The following JMJD1C variants were observed in gnomAD, a reference collection of about 807,000 sequenced individuals.
JMJD1C encodes jumonji domain containing 1C.
A neutral mutation model predicts 245.3 loss-of-function variants in JMJD1C; 31 were observed. The ratio of observed to expected loss-of-function variants is 0.13; its 90% confidence interval spans 0.09 to 0.17. The LOEUF is 0.17. Among genes scored for constraint, JMJD1C ranks in the 10% least tolerant of loss-of-function variants. JMJD1C has a pLI of 1.00. For synonymous variants in JMJD1C, 1,057 were observed against 1,017.4 expected, an observed-to-expected ratio of 1.04 and a Z score of -0.74; for missense variants, 2,691 against 3,000.2, an observed-to-expected ratio of 0.90 and a Z score of 2.41.
At chr10:63,341,572 A>G (rs1943382438) in intron 2 of JMJD1C, among the ~76,000 whole-genome samples, 1 of 152,246 alleles carries the variant, frequency 6.6e-6, no homozygotes, top group Admixed American at 6.5e-5. Context: ...AAGGAATGGG[A>G]CATCTTTTTT....
chr10:63,431,063 C>A (rs1487495696), intron 1 of JMJD1C, among the ~76,000 whole-genome samples: 1 of 152,130 alleles, frequency 6.6e-6, no homozygotes, highest in Admixed American at 6.5e-5. Context: ...TTAACACCTA[C>A]ATTAGATGAC....
chr10:63,357,337 G>A lies in JMJD1C; in HGVS notation c.333+22981C>T, dbSNP rs553206294. 2.3e-4 allele frequency among the ~76,000 whole-genome samples: 35 copies of A among 150,376 alleles called. 1 individual carries two copies. The highest frequency in any genetic ancestry group is 1.1e-3 in the South Asian group (5 of 4,722). On this transcript the variant is annotated intron_variant, in intron 2 of 25. Coordinates refer to ENST00000399262, the MANE Select transcript of JMJD1C (RefSeq NM_032776.3). ...GTTTGTTTATTTGAGACAGAGTCTC[G>A]CTCTGTTGCCCAGGCTGGAGTGCAA...
intron 13 of JMJD1C, among the ~76,000 whole-genome samples, chr10:63,195,236 C>G (rs1426503138): frequency 6.6e-6 from 1 of 151,842 alleles, no homozygotes. Context: ...GCCTGTAGTC[C>G]CAGCTACTTG....
intron 3 of JMJD1C, among the ~76,000 whole-genome samples, chr10:63,259,144 T>G (rs1410118797): frequency 6.6e-6 from 1 of 152,078 alleles, no homozygotes; most frequent in Non-Finnish European, 1.5e-5. Flanking sequence ...TACTTCTTTC[T>G]GTAAACTACT....
At chr10:63,316,318 T>C (rs1369679385) in intron 2 of JMJD1C, among the ~76,000 whole-genome samples, 1 of 152,268 alleles carries the variant, frequency 6.6e-6, no homozygotes, top group African/African-American at 2.4e-5. Context: ...TGTGCCTTGA[T>C]TCATTGGCTG....
At chr10:63,495,578 C>T (rs1042433745) in intron 1 of JMJD1C, among the ~76,000 whole-genome samples, 2 of 151,982 alleles carry the variant, frequency 1.3e-5, no homozygotes, top group African/African-American at 4.8e-5. Flanking sequence ...TCGAGACCAG[C>T]CTGGCCAACA....
At chr10:63,248,799 A>G (rs1852641004) in intron 3 of JMJD1C, among the ~76,000 whole-genome samples, 1 of 152,220 alleles carries the variant, frequency 6.6e-6, no homozygotes, top group Non-Finnish European at 1.5e-5. Context: ...AGCACTATAC[A>G]CAATAGCCAA....
In JMJD1C at chr10:63,214,628, T is replaced by C. The variant is rs1847765324; in HGVS notation, c.1539A>G (p.Thr513=). ...PPTPKCVIDI[T]NDTNLEKVAQ... Reference sequence around the variant, plus strand: ...CCACCTTTTCTAAATTAGTGTCATTTGTAATATCAATAACACATTTTGGTG... The same window carrying C: ...CCACCTTTTCTAAATTAGTGTCATTCGTAATATCAATAACACATTTTGGTG... Residue 513 remains threonine, a synonymous_variant, in exon 8 of 26, where the codon ACA becomes ACG. Transcript: ENST00000399262. 2 of 1,614,174 alleles carry C rather than the reference T, an allele frequency of 1.2e-6. No homozygotes were observed. Among genetic ancestry groups the C allele is most frequent in the Non-Finnish European group, 8.5e-7 (1 of 1,180,008 alleles).
chr10:63,340,751 C>G (rs1943298019), intron 2 of JMJD1C, among the ~76,000 whole-genome samples: 1 of 152,072 alleles, frequency 6.6e-6, no homozygotes. Context: ...TTGAGACTAG[C>G]CTGGCCAACA....
intron 2 of JMJD1C, among the ~76,000 whole-genome samples, chr10:63,342,107 G>A (rs950628747): frequency 6.6e-6 from 1 of 152,212 alleles, no homozygotes; most frequent in Non-Finnish European, 1.5e-5. Context: ...CTGTCCATCA[G>A]TAAGCTAAAG....
intron 2 of JMJD1C, among the ~76,000 whole-genome samples, chr10:63,371,326 T>C (rs956723969): frequency 2.5e-4 from 38 of 151,994 alleles, no homozygotes; most frequent in Non-Finnish European, 3.8e-4. Flanking sequence ...ATGTAATTAA[T>C]TTTTTTTACT....
intron 1 of JMJD1C, among the ~76,000 whole-genome samples, chr10:63,425,875 G>A (rs1826159908): frequency 6.6e-6 from 1 of 152,166 alleles, no homozygotes; most frequent in South Asian, 2.1e-4. Context: ...TATATTCTAT[G>A]TGAGTGTTCT....
At chr10:63,470,238 C>T (rs1391884115), upstream of JMJD1C, among the ~76,000 whole-genome samples, 1 of 152,016 alleles carries the variant, frequency 6.6e-6, no homozygotes, top group Non-Finnish European at 1.5e-5. Context: ...GCTACCAGGC[C>T]TTGCTAAGAG....
At chr10:63,460,513 T>C (rs1952716329) in intron 1 of JMJD1C, among the ~76,000 whole-genome samples, 1 of 152,130 alleles carries the variant, frequency 6.6e-6, no homozygotes, top group Non-Finnish European at 1.5e-5. Flanking sequence ...AGCAAGACCC[T>C]GTCTCAAAAA....
rs372628812 is a variant in JMJD1C at position 63,193,154 on chromosome 10, A to G, written c.5863-3T>C. 43 of 1,605,266 alleles carry G rather than the reference A, an allele frequency of 2.7e-5. No individual in the cohort carries two copies. Among genetic ancestry groups the G allele is most frequent in the Admixed American group, 8.3e-5 (5 of 59,978 alleles). On this transcript the variant is annotated splice_polypyrimidine_tract_variant and splice_region_variant and intron_variant, in intron 15 of 25. Coordinates refer to ENST00000399262, the MANE Select transcript of JMJD1C (RefSeq NM_032776.3). ...TGATTAAGAACATTCTGTAAAACCT[A>G]CAAAGGTAGAACAATTACATTTTTA...
Position 63,207,534 on chromosome 10 carries a change from T to C in JMJD1C, c.4135A>G (p.Ser1379Gly), listed in dbSNP as rs765643176. 1 of 1,614,224 alleles carries C rather than the reference T, an allele frequency of 6.2e-7. No homozygotes were observed. The highest frequency in any genetic ancestry group is 1.7e-5 in the Admixed American group (1 of 60,032). Reference protein sequence around the residue: ...EKNFQAVSQGSVPSSVMSAVN... With the variant: ...EKNFQAVSQGGVPSSVMSAVN... ...GCAGACATGACTGAACTGGGAACACTGCCCTGTGAGACAGCCTGAAAGTTT... is the reference window on the plus strand; with the variant it reads ...GCAGACATGACTGAACTGGGAACACCGCCCTGTGAGACAGCCTGAAAGTTT... The change falls in exon 10 of 26, where the codon AGT (serine) becomes GGT (glycine). Residue 1379 changes from serine to glycine, a missense_variant. By Grantham distance (56) the Ser-to-Gly change is moderately conservative. This residue lies in a region of JMJD1C where 1,562 missense variants were observed against 1,490.7 expected (regional missense o/e 1.05). Coordinates refer to ENST00000399262, the MANE Select transcript of JMJD1C (RefSeq NM_032776.3).
At chr10:63,519,257 T>C (rs1160686578) in intron 1 of JMJD1C, among the ~76,000 whole-genome samples, 2 of 152,236 alleles carry the variant, frequency 1.3e-5, no homozygotes, top group Admixed American at 1.3e-4. Flanking sequence ...CCAGCCATCC[T>C]ACCTAGGTTG....
At chr10:63,386,396 C>T (rs1462188038) in intron 1 of JMJD1C, among the ~76,000 whole-genome samples, 4 of 152,212 alleles carry the variant, frequency 2.6e-5, no homozygotes, top group African/African-American at 9.7e-5. Context: ...GGAGCCCTCA[C>T]CTGACCATTC....
At chr10:63,457,208 T>C (rs1337966975) in intron 1 of JMJD1C, among the ~76,000 whole-genome samples, 1 of 152,234 alleles carries the variant, frequency 6.6e-6, no homozygotes, top group African/African-American at 2.4e-5. Flanking sequence ...GGAAAGCAGG[T>C]TCCAATTTAA....
Sources: allele counts gnomAD v4.1 joint callset (sites outside exome capture counted in the v4.1 genomes callset), GRCh38; gene constraint gnomAD v4.1.1; regional missense constraint gnomAD v4.1.1; transcripts MANE v1.5; gene names NCBI Gene and HGNC (gene_info 2026-07-23, HGNC 2026-07-21).